The following FAT1 variants were observed in gnomAD, a reference collection of about 807,000 sequenced individuals.
FAT1 encodes the protein FAT atypical cadherin 1.
Under a neutral mutation model 329.8 loss-of-function variants are expected in FAT1, and 171 were observed. The ratio of observed to expected loss-of-function variants is 0.52; its 90% CI spans 0.46 to 0.59. The LOEUF (loss-of-function observed/expected upper bound fraction) is 0.59, where lower values mean the gene tolerates loss of function less well. FAT1 is among the 20% of genes least tolerant of loss of function. The probability of loss-of-function intolerance (pLI) is 0.00; values close to 1 mark genes in which losing one functional copy is unlikely to be tolerated. For synonymous variants in FAT1, 2,233 were observed against 2,228.6 expected, an observed-to-expected ratio of 1.00 and a Z score of -0.06; for missense variants, 5,672 against 5,774.4, an observed-to-expected ratio of 0.98 and a Z score of 0.57.
chr4:186,687,247 C>T (rs901994030), intron 2 of FAT1, among the ~76,000 whole-genome samples: 4 of 152,136 alleles, frequency 2.6e-5, no homozygotes, highest in Non-Finnish European at 5.9e-5. Flanking sequence ...TATGATAGTT[C>T]CCTGACTGAA....
Position 186,620,214 on chromosome 4 carries a change from A to C in FAT1, c.6372T>G (p.His2124Gln), listed in dbSNP as rs2126513487. 1.2e-6 allele frequency: 2 copies of C among 1,614,034 alleles called. No homozygotes were observed. The highest frequency in any genetic ancestry group is 1.7e-6 in the Non-Finnish European group (2 of 1,179,912). ...CCAAGGGTCCAATTTGAAAGTGTTC[A>C]TGATGTTCCTTGAGGTAGTAATGCA... is the stretch of plus-strand genomic sequence containing the variant. ...GEVHYYLKEHHEHFQIGPLGE... is the reference protein window; with the variant it reads ...GEVHYYLKEHQEHFQIGPLGE... The change falls in exon 10 of 27, where the codon CAT becomes CAG. Residue 2124 changes from histidine (H) to glutamine (Q), a missense_variant. By Grantham distance (24) the His-to-Gln change is conservative. Coordinates refer to ENST00000441802, the MANE Select transcript of FAT1 (RefSeq NM_005245.4).
At position 186,603,923 on chromosome 4, in the gene FAT1, C is replaced by T. The variant is rs765677582; in HGVS notation, c.10603G>A (p.Val3535Ile). 1 of 1,613,894 alleles carries T rather than the reference C, an allele frequency of 6.2e-7. No individual in the cohort carries two copies. Among genetic ancestry groups the T allele is most frequent in the South Asian group, 1.1e-5 (1 of 91,082 alleles). Residue 3535 changes from valine (V) to isoleucine (I), a missense_variant, in exon 19 of 27, where the codon GTA becomes ATA. Val to Ile is a conservative substitution (Grantham distance 29). Around this residue, in one of 2 missense-constraint regions of FAT1, gnomAD observed 1,706 missense variants for 1,859.1 expected, o/e 0.92. Coordinates refer to ENST00000441802, the MANE Select transcript of FAT1 (RefSeq NM_005245.4). ...GGCGGATAGATGCTCTCCTCAATTA[C>T]CCTAATGTCAATGTATGTCAAAGAT... The part of the protein sequence containing the change: ...LSSLTYIDIR[V>I]IEESIYPPAI...
intron 26 of FAT1, chr4:186,590,381 G>C: frequency 7.8e-7 from 1 of 1,289,568 alleles, no homozygotes; most frequent in Non-Finnish European, 1.0e-6. Flanking sequence ...TTGGTTTGCT[G>C]AGGTCAGGAG....
intron 2 of FAT1, among the ~76,000 whole-genome samples, chr4:186,688,662 C>CCCCA (rs1553998369): frequency 1.5e-5 from 2 of 131,932 alleles, no homozygotes; most frequent in African/African-American, 6.1e-5. Context: ...CGCCCCCCCC[C>CCCCA]AAAAAAACAC....
At chr4:186,695,280 A>G (rs1053196995) in intron 2 of FAT1, among the ~76,000 whole-genome samples, 1 of 152,222 alleles carries the variant, frequency 6.6e-6, no homozygotes, top group Non-Finnish European at 1.5e-5. Flanking sequence ...TCTACAGCCC[A>G]AGGACACAAC....
At chr4:186,604,076 A>C (rs1213252746) in intron 18 of FAT1, 99 bp from the exon 19 acceptor site, 1 of 898,970 alleles carries the variant, frequency 1.1e-6, no homozygotes, top group African/African-American at 1.7e-5. Context: ...AAAAATTACT[A>C]ACTGGTAGAT....
intron 3 of FAT1, among the ~76,000 whole-genome samples, chr4:186,651,330 GC>G (rs746284337): frequency 1.3e-4 from 20 of 152,152 alleles, no homozygotes; most frequent in Admixed American, 2.6e-4. Context: ...CCAGAACAAA[GC>G]TGTGTATGTG....
rs1457917178 is a variant in FAT1 at position 186,621,010 on chromosome 4, G to C, written c.5576C>G (p.Ala1859Gly). Reference protein sequence around the residue: ...VHDMGTPRLFAEYAANVTVHV... With the variant: ...VHDMGTPRLFGEYAANVTVHV... Reference sequence around the variant, plus strand: ...TACTGTTACATTCGCTGCATACTCAGCAAATAAACGTGGGGTTCCCATGTC... The same window carrying C: ...TACTGTTACATTCGCTGCATACTCACCAAATAAACGTGGGGTTCCCATGTC... Residue 1859 changes from alanine to glycine, a missense_variant, in exon 10 of 27, where the codon GCT becomes GGT. Coordinates refer to ENST00000441802, the MANE Select transcript of FAT1 (RefSeq NM_005245.4). The C allele has an allele frequency of 3.7e-6, 6 of 1,612,466 alleles. No individual in the cohort carries two copies. In the African/African-American group the frequency reaches 8.0e-5, roughly 22 times the overall value.
intron 7 of FAT1, among the ~76,000 whole-genome samples, chr4:186,631,432 T>C (rs1056866074): frequency 6.6e-6 from 1 of 151,274 alleles, no homozygotes; most frequent in Admixed American, 6.6e-5. Context: ...CGCGGTATCC[T>C]AGTGTCTCAC....
At chr4:186,624,563 C>A (rs956566509) in intron 9 of FAT1, among the ~76,000 whole-genome samples, 2 of 152,158 alleles carry the variant, frequency 1.3e-5, no homozygotes, top group Admixed American at 1.3e-4. Context: ...AACACACAGA[C>A]CAGAGTATGG....
rs755438142 is a variant in FAT1, at chr4:186,598,100, C to T, written c.12129G>A (p.Leu4043=). 6.2e-7 allele frequency: 1 copy of T among 1,611,134 alleles called. No individual in the cohort carries two copies. Among genetic ancestry groups the T allele is most frequent in the Non-Finnish European group, 8.5e-7 (1 of 1,179,246 alleles). ...TTATCTCACAGTGGGTCCCTATGTA[C>T]AAGGCACTGCATTTGCAGTAATAAC... ...AGGYYCKCSA[L]YIGTHCEISV... Residue 4043 remains leucine (L), a synonymous_variant, in exon 23 of 27, where the codon TTG becomes TTA. Transcript: ENST00000441802.
At chr4:186,615,404 C>A (rs1001651573) in intron 11 of FAT1, among the ~76,000 whole-genome samples, 1 of 152,154 alleles carries the variant, frequency 6.6e-6, no homozygotes, top group African/African-American at 2.4e-5. Context: ...ACTCACAGAA[C>A]CTGTGGTGGG....
chr4:186,683,830 T>G (rs1263104718), intron 2 of FAT1, among the ~76,000 whole-genome samples: 5 of 152,082 alleles, frequency 3.3e-5, no homozygotes, highest in African/African-American at 1.2e-4. Flanking sequence ...GTATCAGAGA[T>G]CCCTATGAAA....
intron 3 of FAT1, among the ~76,000 whole-genome samples, chr4:186,643,564 T>C (rs961682822): frequency 3.3e-5 from 5 of 152,202 alleles, no homozygotes; most frequent in Admixed American, 6.5e-5. Flanking sequence ...GGGATTTTCA[T>C]ACAAAATGAA....
intron 2 of FAT1, among the ~76,000 whole-genome samples, chr4:186,689,852 T>C (rs1743667880): frequency 6.6e-6 from 1 of 152,196 alleles, no homozygotes; most frequent in African/African-American, 2.4e-5. Context: ...TTGGTGGTGA[T>C]CTCTTAATAT....
At chr4:186,610,851 G>A (rs1739413560) in intron 14 of FAT1, among the ~76,000 whole-genome samples, 1 of 151,530 alleles carries the variant, frequency 6.6e-6, no homozygotes, top group Non-Finnish European at 1.5e-5. Context: ...CGCAGCAGGA[G>A]TCAGCAGTTC....
chr4:186,629,102 A>T (rs1209301012), intron 7 of FAT1, among the ~76,000 whole-genome samples: 1 of 152,148 alleles, frequency 6.6e-6, no homozygotes, highest in Non-Finnish European at 1.5e-5. Flanking sequence ...TCATGTACGG[A>T]TAACAATTTA....
chr4:186,624,400 T>C (rs1355183950), intron 9 of FAT1, among the ~76,000 whole-genome samples: 4 of 152,212 alleles, frequency 2.6e-5, no homozygotes, highest in Non-Finnish European at 1.5e-5. Context: ...GCACCCTCCG[T>C]TGACTCTCAA....
intron 2 of FAT1, among the ~76,000 whole-genome samples, chr4:186,675,138 C>T (rs770038614): frequency 6.6e-5 from 10 of 152,054 alleles, no homozygotes; most frequent in Admixed American, 4.6e-4. Flanking sequence ...AATCTAACTA[C>T]GAGAATATTA....
Sources: gnomAD v4.1 joint callset for allele counts (sites outside exome capture counted in the v4.1 genomes callset) on GRCh38, gnomAD v4.1.1 for gene constraint, gnomAD v4.1.1 regional missense constraint, MANE v1.5 for transcripts, NCBI Gene and HGNC (gene_info 2026-07-23, HGNC 2026-07-21) for gene names.